Variants in CFAP263 observed in about 807,000 individuals in gnomAD.
CFAP263 encodes cilia- and flagella-associated protein 263.
the CFAP263 span, chr16:58,250,120 C>T: frequency 2.6e-6 from 4 of 1,554,208 alleles, no homozygotes; most frequent in Non-Finnish European, 2.6e-6. Flanking sequence ...GCTCAGGTAC[C>T]GCCGCCCGCG....
the CFAP263 span, chr16:58,280,331 C>T: frequency 8.7e-6 from 14 of 1,614,058 alleles, no homozygotes; most frequent in African/African-American, 1.9e-4. Flanking sequence ...CCCACCTCCC[C>T]ACCGTAATAG....
the CFAP263 span, among the ~76,000 whole-genome samples, chr16:58,275,492 T>C: frequency 5.3e-5 from 8 of 152,018 alleles, no homozygotes; most frequent in African/African-American, 1.9e-4. Flanking sequence ...CTTTGGGGGG[T>C]AAAAAAAGAG....
the CFAP263 span, among the ~76,000 whole-genome samples, chr16:58,271,345 C>A: frequency 6.6e-6 from 1 of 152,134 alleles, no homozygotes; most frequent in African/African-American, 2.4e-5. Context: ...CCAACATATA[C>A]CTCATACCCA....
the CFAP263 span, among the ~76,000 whole-genome samples, chr16:58,255,728 AT>A: frequency 5.2e-3 from 781 of 151,580 alleles, 8 homozygotes; most frequent in African/African-American, 0.018. Flanking sequence ...CACCCAGCTA[AT>A]TTTTTTTGTA....
chr16:58,257,423 CT>C, the CFAP263 span, among the ~76,000 whole-genome samples: 15 of 150,954 alleles, frequency 9.9e-5, no homozygotes, highest in African/African-American at 2.9e-4. Flanking sequence ...TTTATAACAT[CT>C]TTTTTTTTAT....
the CFAP263 span, chr16:58,280,650 G>A: frequency 9.9e-6 from 16 of 1,614,188 alleles, no homozygotes; most frequent in Non-Finnish European, 1.2e-5. Context: ...CCACCTTGGT[G>A]TACAGAAACA....
At chr16:58,266,643 G>A in the CFAP263 span, among the ~76,000 whole-genome samples, 1 of 151,752 alleles carries the variant, frequency 6.6e-6, no homozygotes, top group African/African-American at 2.4e-5. Context: ...GGTTTGTTGA[G>A]CAAGCTCCCC....
chr16:58,275,209 A>G, the CFAP263 span, among the ~76,000 whole-genome samples: 1 of 152,160 alleles, frequency 6.6e-6, no homozygotes, highest in African/African-American at 2.4e-5. Flanking sequence ...GGTGCAAACC[A>G]ATTACCTGGG....
chr16:58,257,182 TA>T, the CFAP263 span, among the ~76,000 whole-genome samples: 2 of 124,206 alleles, frequency 1.6e-5, no homozygotes, highest in Non-Finnish European at 3.4e-5. Context: ...TACGCCCGGC[TA>T]ATTTTTTGTA....
chr16:58,254,765 C>T, the CFAP263 span, among the ~76,000 whole-genome samples: 89 of 151,966 alleles, frequency 5.9e-4, no homozygotes, highest in African/African-American at 1.9e-3. Flanking sequence ...CCACCACACC[C>T]GGCTAATTTT....
chr16:58,278,785 A>G, the CFAP263 span: 3 of 705,450 alleles, frequency 4.3e-6, no homozygotes, highest in South Asian at 6.4e-5. Context: ...TTAAACCAAG[A>G]CGAAGGATGA....
At chr16:58,273,073 A>G in the CFAP263 span, among the ~76,000 whole-genome samples, 2 of 152,076 alleles carry the variant, frequency 1.3e-5, no homozygotes, top group South Asian at 4.1e-4. Context: ...CTTCCCTTGT[A>G]TGTAATGAAT....
At chr16:58,264,631 G>C in the CFAP263 span, among the ~76,000 whole-genome samples, 2 of 152,128 alleles carry the variant, frequency 1.3e-5, no homozygotes, top group African/African-American at 4.8e-5. Flanking sequence ...TCTAGTAAGT[G>C]TTGCGTCCCC....
the CFAP263 span, among the ~76,000 whole-genome samples, chr16:58,273,179 TG>T: frequency 6.6e-6 from 1 of 152,248 alleles, no homozygotes; most frequent in African/African-American, 2.4e-5. Context: ...GCATTTCTTC[TG>T]TTTGGAGTTT....
At chr16:58,283,169 T>C in the CFAP263 span, 1 of 152,276 alleles carries the variant, frequency 6.6e-6, no homozygotes, top group Admixed American at 6.5e-5. Flanking sequence ...TGATTCTGCT[T>C]TTGTTGGGTT....
the CFAP263 span, chr16:58,280,110 A>T: frequency 9.3e-7 from 1 of 1,071,102 alleles, no homozygotes; most frequent in Non-Finnish European, 1.4e-6. Context: ...CCATGGGCTT[A>T]TCCGTGGCAG....
chr16:58,256,980 C>T, the CFAP263 span, among the ~76,000 whole-genome samples: 922 of 147,296 alleles, frequency 6.3e-3, 19 homozygotes, highest in African/African-American at 0.022. Flanking sequence ...TTACCTCCTA[C>T]AGTTTAGATA....
chr16:58,280,316 C>T, the CFAP263 span: 3 of 1,614,036 alleles, frequency 1.9e-6, no homozygotes, highest in Admixed American at 1.7e-5. Flanking sequence ...AAAATCCTAC[C>T]TTCCCCCACC....
the CFAP263 span, among the ~76,000 whole-genome samples, chr16:58,264,563 C>G: frequency 2.0e-5 from 3 of 152,298 alleles, no homozygotes; most frequent in South Asian, 6.2e-4. Context: ...GGTGCTTCAT[C>G]TGGGCAAGAT....
Sources: allele counts gnomAD v4.1 joint callset (sites outside exome capture counted in the v4.1 genomes callset), GRCh38; gene constraint gnomAD v4.1.1; transcripts MANE v1.5; gene names NCBI Gene and HGNC (gene_info 2026-07-23, HGNC 2026-07-21).